The following CAMTA1 variants were observed in gnomAD, a reference collection of about 807,000 sequenced individuals.
CAMTA1 encodes calmodulin-binding transcription activator 1.
A neutral mutation model predicts 170.9 loss-of-function variants in CAMTA1; 27 were observed. The observed-to-expected ratio is 0.16, with a 90% CI of 0.12 to 0.22. CAMTA1 has a LOEUF of 0.22. Among genes scored for constraint, CAMTA1 ranks in the 10% least tolerant of loss-of-function variants. The probability of loss-of-function intolerance (pLI) is 1.00; values close to 1 mark genes in which losing one functional copy is unlikely to be tolerated. For missense variants in CAMTA1, 1,619 were observed against 2,217.2 expected (o/e 0.73, Z 5.42); for synonymous variants, 833 against 891.5 (o/e 0.93, Z 1.17).
At chr1:6,795,452 C>T (rs1004980929) in intron 1 of CAMTA1, among the ~76,000 whole-genome samples, 7 of 152,214 alleles carry the variant, frequency 4.6e-5, no homozygotes, top group Admixed American at 1.3e-4. Context: ...CCTCAGCCTC[C>T]CGAAGTGCTG....
intron 7 of CAMTA1, among the ~76,000 whole-genome samples, chr1:7,655,621 C>A (rs1311024624): frequency 8.1e-6 from 1 of 123,850 alleles, no homozygotes; most frequent in Non-Finnish European, 1.7e-5. Context: ...CACCCACACA[C>A]CTATACACAC....
chr1:7,139,509 C>G (rs151286853), intron 4 of CAMTA1, among the ~76,000 whole-genome samples: 1 of 151,750 alleles, frequency 6.6e-6, no homozygotes, highest in Non-Finnish European at 1.5e-5. Flanking sequence ...TTATTAAGCT[C>G]GCAGTTTAAG....
rs756917471 is a variant in CAMTA1 at position 6,928,819 on chromosome 1, C to T, written c.234+103609C>T. Among the ~76,000 whole-genome samples the T allele has an allele frequency of 2.2e-4, 33 of 152,198 alleles. 1 individual carries two copies. The highest frequency in any genetic ancestry group is 4.6e-4 in the Admixed American group (7 of 15,282). On this transcript the variant is annotated intron_variant, in intron 3 of 22. Coordinates refer to ENST00000303635, the MANE Select transcript of CAMTA1 (RefSeq NM_015215.4). The stretch of plus-strand genomic sequence containing the variant: ...CAAGAGCACCCTGTCTAAGGCAGGC[C>T]CCCAGCTCCTCTGTTTGCTCCTCAT...
At position 7,747,791 on chromosome 1, in the gene CAMTA1, A is replaced by G. The variant is rs1486864778; in HGVS notation, c.4689+10A>G. The G allele has an allele frequency of 6.2e-7, 1 of 1,601,610 alleles. No homozygotes were observed. Among genetic ancestry groups the G allele is most frequent in the South Asian group, 1.1e-5 (1 of 89,462 alleles). ...CAGAAAATATAAACAGGTAAACCTC[A>G]GTTTTGCACCACAGAAGGAAACTGT... is the stretch of plus-strand genomic sequence containing the variant. On this transcript the variant is annotated intron_variant, in intron 19 of 22. Transcript: ENST00000303635.
At chr1:7,315,362 T>C (rs1250672523) in intron 5 of CAMTA1, among the ~76,000 whole-genome samples, 1 of 152,228 alleles carries the variant, frequency 6.6e-6, no homozygotes, top group Non-Finnish European at 1.5e-5. Flanking sequence ...CATTTTCTTT[T>C]CTATGCAAAG....
chr1:7,074,542 AATACTGTTAT>A (rs1401615996), intron 3 of CAMTA1, among the ~76,000 whole-genome samples: 1 of 152,210 alleles, frequency 6.6e-6, no homozygotes, highest in East Asian at 1.9e-4. Flanking sequence ...TATTTGAGAT[AATACTGTTAT>A]ATAGTGTTGT....
intron 4 of CAMTA1, among the ~76,000 whole-genome samples, chr1:7,109,693 C>T (rs1387061824): frequency 6.6e-6 from 1 of 152,208 alleles, no homozygotes; most frequent in East Asian, 1.9e-4. Context: ...CTCCACAGAC[C>T]ACCGATCAAG....
chr1:7,477,275 T>C (rs1416868699), intron 6 of CAMTA1, among the ~76,000 whole-genome samples: 1 of 152,018 alleles, frequency 6.6e-6, no homozygotes. Flanking sequence ...GGGCGGGTTT[T>C]GGAAAAGAGA....
intron 3 of CAMTA1, among the ~76,000 whole-genome samples, chr1:6,858,970 A>C (rs1663580447): frequency 1.3e-5 from 2 of 152,226 alleles, no homozygotes; most frequent in African/African-American, 2.4e-5. Context: ...TTTTTGCCAT[A>C]GATTGCTGTC....
intron 3 of CAMTA1, among the ~76,000 whole-genome samples, chr1:6,854,928 A>T: frequency 6.6e-6 from 1 of 152,182 alleles, no homozygotes; most frequent in Non-Finnish European, 1.5e-5. Context: ...AAATGTTGGA[A>T]GTTTTCTTTT....
chr1:6,906,266 T>G (rs376807633), intron 3 of CAMTA1, among the ~76,000 whole-genome samples: 1 of 152,296 alleles, frequency 6.6e-6, no homozygotes, highest in East Asian at 1.9e-4. Context: ...GGGGTCTTTC[T>G]GGATATAGAG....
intron 3 of CAMTA1, among the ~76,000 whole-genome samples, chr1:6,868,651 G>C (rs573225336): frequency 9.9e-5 from 15 of 152,284 alleles, no homozygotes; most frequent in East Asian, 1.9e-4. Flanking sequence ...CAGGGAGGGA[G>C]GGGGGAAGAT....
Position 7,567,920 on chromosome 1 carries a change from C to A in CAMTA1, c.511-72480C>A, listed in dbSNP as rs576725777. On this transcript the variant is annotated intron_variant, in intron 6 of 22. Coordinates refer to ENST00000303635, the MANE Select transcript of CAMTA1 (RefSeq NM_015215.4). ...AGGTATATAACCTAAACTTTCATTG[C>A]CTGTTTCCACATAGTAAAGTGAGGA... Among the ~76,000 whole-genome samples the A allele has an allele frequency of 2.6e-5, 4 of 152,310 alleles. No homozygotes were observed. The South Asian group carries it at 8.3e-4, about 32-fold the overall frequency.
intron 5 of CAMTA1, among the ~76,000 whole-genome samples, chr1:7,357,773 A>G (rs188601504): frequency 1.8e-4 from 28 of 152,256 alleles, no homozygotes; most frequent in Admixed American, 1.8e-3. Flanking sequence ...GGACCTTTCC[A>G]TGGGGCCTGC....
intron 6 of CAMTA1, among the ~76,000 whole-genome samples, chr1:7,523,399 G>T (rs1241342707): frequency 5.9e-5 from 9 of 152,160 alleles, no homozygotes; most frequent in Admixed American, 5.9e-4. Flanking sequence ...CTGCAGTTTT[G>T]ATAGGAATTG....
chr1:6,971,791 C>T lies in CAMTA1; in HGVS notation c.235-119513C>T, dbSNP rs536793410. On this transcript the variant is annotated intron_variant, in intron 3 of 22. Transcript: ENST00000303635. This position sits in a 1 kb window ranked among gnomAD's most constrained non-coding sequence, Gnocchi z 4.6. ...AGAAAAGGCCAGGCCTGCCTGTGGC[C>T]GCCCCCGGGTCTCAGCAATGGCATT... Among the ~76,000 whole-genome samples, 8 of 152,280 alleles carry T rather than the reference C, an allele frequency of 5.3e-5. 1 individual carries two copies. The highest frequency in any genetic ancestry group is 2.6e-4 in the Admixed American group (4 of 15,296).
chr1:6,975,127 G>A (rs999761217), intron 3 of CAMTA1, among the ~76,000 whole-genome samples: 3 of 152,164 alleles, frequency 2.0e-5, no homozygotes, highest in African/African-American at 4.8e-5. Flanking sequence ...GGCCTGCCTC[G>A]AGTCACACCA....
intron 5 of CAMTA1, among the ~76,000 whole-genome samples, chr1:7,383,789 G>T (rs1349475538): frequency 6.6e-6 from 1 of 151,966 alleles, no homozygotes; most frequent in Non-Finnish European, 1.5e-5. Context: ...AGGAGGATGA[G>T]GATGATGGAG....
At chr1:7,607,718 T>C (rs1011466536) in intron 6 of CAMTA1, among the ~76,000 whole-genome samples, 3 of 152,134 alleles carry the variant, frequency 2.0e-5, no homozygotes, top group Non-Finnish European at 4.4e-5. Flanking sequence ...TGAATGAATG[T>C]GTGAATGGAA....
Sources: allele counts gnomAD v4.1 joint callset (sites outside exome capture counted in the v4.1 genomes callset), GRCh38; gene constraint gnomAD v4.1.1; non-coding constraint Gnocchi (gnomAD v3.1); transcripts MANE v1.5; gene names NCBI Gene and HGNC (gene_info 2026-07-23, HGNC 2026-07-21).